The following ELMO1 variants were observed in gnomAD, a reference collection of about 807,000 sequenced individuals.
ELMO1 encodes the protein engulfment and cell motility 1, also known as engulfment and cell motility protein 1.
A neutral mutation model predicts 98.9 loss-of-function variants in ELMO1; 26 were observed. That is an observed-to-expected ratio of 0.26 (90% CI 0.19 to 0.36). The LOEUF (loss-of-function observed/expected upper bound fraction) is 0.36, where lower values mean the gene tolerates loss of function less well. ELMO1 is among the 10% of genes least tolerant of loss of function. The pLI, the probability that ELMO1 is intolerant of heterozygous loss-of-function variation, is 1.00. For synonymous variants in ELMO1, 346 were observed against 346.0 expected (o/e 1.00, Z 0.00); for missense variants, 627 against 935.2 (o/e 0.67, Z 4.30).
At chr7:37,162,616 A>C (rs1414931408) in intron 13 of ELMO1, among the ~76,000 whole-genome samples, 1 of 152,232 alleles carries the variant, frequency 6.6e-6, no homozygotes, top group Non-Finnish European at 1.5e-5. Flanking sequence ...GAATCTTGAC[A>C]AAGTGAAAAA....
intron 1 of ELMO1, among the ~76,000 whole-genome samples, chr7:37,410,170 T>C (rs559137123): frequency 1.5e-4 from 23 of 152,210 alleles, no homozygotes; most frequent in Non-Finnish European, 2.6e-4. Context: ...CTTCTTTGCA[T>C]AGGCAGGATT....
At chr7:36,987,676 T>C (rs1436671792) in intron 16 of ELMO1, among the ~76,000 whole-genome samples, 2 of 152,128 alleles carry the variant, frequency 1.3e-5, no homozygotes, top group Admixed American at 1.3e-4. Flanking sequence ...ACATCCACTG[T>C]CTAAACAGCA....
chr7:37,008,838 C>T (rs773095413), intron 16 of ELMO1, among the ~76,000 whole-genome samples: 21 of 152,126 alleles, frequency 1.4e-4, no homozygotes, highest in Non-Finnish European at 2.8e-4. Flanking sequence ...TTAATGATGG[C>T]GATTCTATTA....
At chr7:37,297,774 A>C (rs1798117828) in intron 4 of ELMO1, among the ~76,000 whole-genome samples, 1 of 152,180 alleles carries the variant, frequency 6.6e-6, no homozygotes, top group South Asian at 2.1e-4. Context: ...GTGCCTTGCA[A>C]ACTGTGTTGT....
At chr7:37,057,001 A>G (rs1395667277) in intron 15 of ELMO1, among the ~76,000 whole-genome samples, 3 of 152,174 alleles carry the variant, frequency 2.0e-5, no homozygotes, top group Non-Finnish European at 4.4e-5. Context: ...CCAACACAAG[A>G]TAAGTACTCA....
chr7:37,128,097 G>A (rs1786656943), intron 14 of ELMO1, among the ~76,000 whole-genome samples: 1 of 152,188 alleles, frequency 6.6e-6, no homozygotes, highest in South Asian at 2.1e-4. Flanking sequence ...GGAGGCTGAA[G>A]CATGAGAATC....
At chr7:37,128,060 G>T (rs1213317683) in intron 14 of ELMO1, among the ~76,000 whole-genome samples, 1 of 152,100 alleles carries the variant, frequency 6.6e-6, no homozygotes, top group Non-Finnish European at 1.5e-5. Context: ...GGGCATGGTG[G>T]TGCGTGCCTG....
At position 37,074,976 on chromosome 7, in the gene ELMO1, T is replaced by C. The variant is rs1044482853; in HGVS notation, c.1300+21643A>G. On this transcript the variant is annotated intron_variant, in intron 15 of 21. Transcript: ENST00000310758. ...AATGACTACTCAATCATTTTCTTAT[T>C]AGTCGGAACCCTGAAATTGCTTTCT... 3.9e-5 allele frequency among the ~76,000 whole-genome samples: 6 copies of C among 152,140 alleles called. 1 individual carries two copies. The highest frequency in any genetic ancestry group is 1.4e-4 in the African/African-American group (6 of 41,426).
chr7:37,446,808 T>A (rs1386249580), intron 1 of ELMO1, among the ~76,000 whole-genome samples: 1 of 152,172 alleles, frequency 6.6e-6, no homozygotes, highest in Non-Finnish European at 1.5e-5. Context: ...CCAGGTCATT[T>A]TCTCAAAATT....
intron 2 of ELMO1, among the ~76,000 whole-genome samples, chr7:37,321,716 C>CAAAAAAAAAAA (rs565421716): frequency 0.029 from 1,894 of 65,962 alleles, 140 homozygotes; most frequent in African/African-American, 0.044. Context: ...GACTCCGTCT[C>CAAAAAAAAAAA]AAAAAAAAAA....
chr7:36,911,520 T>C (rs1196824834), intron 16 of ELMO1, among the ~76,000 whole-genome samples: 3 of 152,162 alleles, frequency 2.0e-5, no homozygotes, highest in African/African-American at 7.2e-5. Flanking sequence ...TTTACTGGTA[T>C]AAAGTGCATT....
intron 4 of ELMO1, among the ~76,000 whole-genome samples, chr7:37,292,875 G>GCC (rs1797805687): frequency 9.5e-6 from 1 of 105,296 alleles, no homozygotes; most frequent in Non-Finnish European, 2.1e-5. Context: ...GGGAAGTGAG[G>GCC]AGCCCCTCTG....
At chr7:37,320,367 C>T (rs73346130) in intron 2 of ELMO1, among the ~76,000 whole-genome samples, 22 of 152,104 alleles carry the variant, frequency 1.4e-4, no homozygotes, top group African/African-American at 5.1e-4. Context: ...ATTCTGTACA[C>T]GTTCCCCATG....
chr7:37,280,390 G>C (rs1797072468), intron 4 of ELMO1, among the ~76,000 whole-genome samples: 1 of 152,092 alleles, frequency 6.6e-6, no homozygotes, highest in East Asian at 1.9e-4. Context: ...CACAGCAAAG[G>C]GAACAGTCAG....
chr7:37,438,230 A>G lies in ELMO1; in HGVS notation c.-74+10445T>C, dbSNP rs999885697. ...TTACCTAGGTCACTTGAAGAAAATT[A>G]AATACAAAATGCATCTCTTTTTATG... On this transcript the variant is annotated intron_variant, in intron 1 of 21. Transcript: ENST00000310758. Among the ~76,000 whole-genome samples the G allele has an allele frequency of 5.3e-5, 8 of 152,226 alleles. No homozygotes were observed. In the East Asian group the frequency reaches 1.5e-3, roughly 29 times the overall value.
intron 16 of ELMO1, among the ~76,000 whole-genome samples, chr7:36,968,581 C>A (rs1407316905): frequency 6.6e-6 from 1 of 152,134 alleles, no homozygotes; most frequent in Non-Finnish European, 1.5e-5. Flanking sequence ...TTTTAATCAG[C>A]TCTATGTCTC....
chr7:37,166,857 C>G (rs571906076), intron 13 of ELMO1, among the ~76,000 whole-genome samples: 1 of 152,168 alleles, frequency 6.6e-6, no homozygotes, highest in East Asian at 1.9e-4. Flanking sequence ...ATTAGGTCTG[C>G]TTGGTGGAGA....
At chr7:37,150,212 T>C (rs1358839532) in intron 13 of ELMO1, among the ~76,000 whole-genome samples, 4 of 152,132 alleles carry the variant, frequency 2.6e-5, no homozygotes, top group Admixed American at 2.0e-4. Context: ...CCCTTCAATA[T>C]ACTTCTTATA....
At chr7:37,392,533 G>A (rs1338343933) in intron 1 of ELMO1, among the ~76,000 whole-genome samples, 4 of 152,164 alleles carry the variant, frequency 2.6e-5, no homozygotes, top group East Asian at 1.9e-4. Flanking sequence ...GCAAATTGGC[G>A]CTGCTAGGCT....
Sources: gnomAD v4.1 joint callset for allele counts (sites outside exome capture counted in the v4.1 genomes callset) on GRCh38, gnomAD v4.1.1 for gene constraint, MANE v1.5 for transcripts, NCBI Gene and HGNC (gene_info 2026-07-23, HGNC 2026-07-21) for gene names.